Variants in ARHGEF12 observed in about 807,000 individuals in gnomAD.
ARHGEF12 encodes Rho guanine nucleotide exchange factor 12, also known as KMT2A/ARHGEF12 fusion protein.
Under a neutral mutation model 211.2 loss-of-function variants are expected in ARHGEF12, and 66 were observed. That is an observed-to-expected ratio of 0.31 (90% CI 0.26 to 0.38). ARHGEF12 has a LOEUF of 0.38. ARHGEF12 is among the 10% of genes least tolerant of loss of function. The pLI, the probability that ARHGEF12 is intolerant of heterozygous loss-of-function variation, is 1.00. For synonymous variants in ARHGEF12, 592 were observed against 638.4 expected (o/e 0.93, Z 1.09); for missense variants, 1,429 against 1,869.5 (o/e 0.76, Z 4.34).
At chr11:120,344,585 G>A (rs932289311) in intron 1 of ARHGEF12, among the ~76,000 whole-genome samples, 3 of 152,182 alleles carry the variant, frequency 2.0e-5, no homozygotes, top group Non-Finnish European at 4.4e-5. Flanking sequence ...ATTGTTGGTG[G>A]CATATGCACT....
intron 15 of ARHGEF12, among the ~76,000 whole-genome samples, chr11:120,444,112 T>C (rs912892170): frequency 6.6e-6 from 1 of 152,202 alleles, no homozygotes; most frequent in South Asian, 2.1e-4. Context: ...TCCCTAACAC[T>C]GAACAGTTCC....
At chr11:120,377,065 C>CAAATCT (rs1226878569) in intron 1 of ARHGEF12, among the ~76,000 whole-genome samples, 2 of 152,038 alleles carry the variant, frequency 1.3e-5, no homozygotes, top group Non-Finnish European at 2.9e-5. Flanking sequence ...AGGTTGTTTC[C>CAAATCT]AAATCTTGGC....
At chr11:120,466,441 C>T (rs1946708294) in intron 28 of ARHGEF12, among the ~76,000 whole-genome samples, 1 of 152,188 alleles carries the variant, frequency 6.6e-6, no homozygotes, top group Admixed American at 6.5e-5. Context: ...GTTTTAAAGG[C>T]TCCTCTAATG....
intron 4 of ARHGEF12, among the ~76,000 whole-genome samples, chr11:120,416,626 A>G (rs947948725): frequency 1.8e-4 from 28 of 152,130 alleles, no homozygotes; most frequent in African/African-American, 6.0e-4. Flanking sequence ...CTTGTTTGCT[A>G]AAAAACAAAA....
At chr11:120,477,079 GTTTT>G in intron 34 of ARHGEF12, 136 bp from the exon 35 acceptor site, 4 of 687,882 alleles carry the variant, frequency 5.8e-6, no homozygotes, top group Non-Finnish European at 7.3e-6. Context: ...GGCAGAGTGG[GTTTT>G]GTTGTTGTTG....
At chr11:120,385,317 C>T in intron 1 of ARHGEF12, 1 of 985,210 alleles carries the variant, frequency 1.0e-6, no homozygotes, top group Non-Finnish European at 1.2e-6. Context: ...CTCTTGTGGT[C>T]AGTAAAATCA....
chr11:120,424,352 T>C lies in ARHGEF12; in HGVS notation c.349-6T>C. The C allele has an allele frequency of 1.2e-6, 2 of 1,611,850 alleles. No individual in the cohort carries two copies. The highest frequency in any genetic ancestry group is 1.7e-6 in the Non-Finnish European group (2 of 1,178,596). The stretch of plus-strand genomic sequence containing the variant: ...TCTGACATACACTACTTTCGTTTTC[T>C]TACAGGTGAATGGAACTCTGGTGAC... On this transcript the variant is annotated splice_region_variant and splice_polypyrimidine_tract_variant and intron_variant, in intron 6 of 40. Coordinates refer to ENST00000397843, the MANE Select transcript of ARHGEF12 (RefSeq NM_015313.3).
chr11:120,465,576 C>T (rs1459748458), intron 28 of ARHGEF12, among the ~76,000 whole-genome samples: 3 of 152,076 alleles, frequency 2.0e-5, no homozygotes, highest in Non-Finnish European at 4.4e-5. Context: ...AAGCGATTCT[C>T]CTGCCTCAGC....
chr11:120,448,977 G>A, intron 20 of ARHGEF12, 132 bp from the exon 21 acceptor site: 1 of 685,498 alleles, frequency 1.5e-6, no homozygotes, highest in Non-Finnish European at 2.5e-6. Flanking sequence ...TGCTCTGTGT[G>A]CATACACACG....
At position 120,337,208 on chromosome 11, in the gene ARHGEF12, GT is replaced by G. The variant is rs1459353612; in HGVS notation, c.-34del. 6.2e-7 allele frequency: 1 copy of G among 1,614,028 alleles called. No individual in the cohort carries two copies. The highest frequency in any genetic ancestry group is 1.3e-5 in the African/African-American group (1 of 74,938). On this transcript the variant is annotated 5_prime_UTR_variant, in exon 1 of 41. An upstream open reading frame in the 5' UTR loses its in-frame stop. Transcript: ENST00000397843. Reference sequence around the variant, plus strand: ...GAGGAGGTGTTACTGTAAAATGCAAGTTGGATAAAAGGAGGACCTCTCGCCA... The same window carrying G: ...GAGGAGGTGTTACTGTAAAATGCAAGTGGATAAAAGGAGGACCTCTCGCCA...
chr11:120,421,164 A>G (rs533118403), intron 5 of ARHGEF12, among the ~76,000 whole-genome samples: 2 of 152,356 alleles, frequency 1.3e-5, no homozygotes, highest in African/African-American at 4.8e-5. Flanking sequence ...TATTTTGGCA[A>G]AGACAGATTA....
chr11:120,369,125 CTT>C (rs1183494101), intron 1 of ARHGEF12, among the ~76,000 whole-genome samples: 15 of 127,282 alleles, frequency 1.2e-4, no homozygotes, highest in Non-Finnish European at 1.7e-4. Flanking sequence ...TTCTTTTCTT[CTT>C]TTTTTTTTTT....
In ARHGEF12 at chr11:120,429,334, T is replaced by C. The variant is rs1945456196; in HGVS notation, c.586-106T>C. 1.0e-4 allele frequency: 84 copies of C among 835,922 alleles called. 2 individuals carry two copies. The South Asian group carries it at 1.5e-3, about 15-fold the overall frequency. 51.8% of individuals were successfully genotyped at this position (835,922 alleles called of 1,614,324 possible). A position where few individuals can be genotyped will look rare whatever the true frequency, so the allele number is the denominator to read the frequency against. ...GAAGTAAAAACCTAATAGGTATTGA[T>C]AATTGGAGCCGAGGCAGAACTTTGT... On this transcript the variant is annotated intron_variant, in intron 8 of 40. Coordinates refer to ENST00000397843, the MANE Select transcript of ARHGEF12 (RefSeq NM_015313.3).
intron 4 of ARHGEF12, among the ~76,000 whole-genome samples, chr11:120,416,535 T>C (rs1945032732): frequency 6.6e-6 from 1 of 152,196 alleles, no homozygotes; most frequent in Admixed American, 6.5e-5. Context: ...CTGTCTCTCA[T>C]CTTCTAAAGC....
chr11:120,415,651 A>C (rs1945007512), intron 4 of ARHGEF12, among the ~76,000 whole-genome samples: 1 of 152,212 alleles, frequency 6.6e-6, no homozygotes, highest in African/African-American at 2.4e-5. Flanking sequence ...TTGATTTTGA[A>C]TGAGAGGGAA....
intron 1 of ARHGEF12, among the ~76,000 whole-genome samples, chr11:120,349,273 G>C (rs1432350533): frequency 6.6e-6 from 1 of 152,042 alleles, no homozygotes; most frequent in Non-Finnish European, 1.5e-5. Flanking sequence ...AAAGGAACCA[G>C]GTACAATTCT....
At chr11:120,434,628 A>G (rs1428023847) in intron 11 of ARHGEF12, among the ~76,000 whole-genome samples, 13 of 152,084 alleles carry the variant, frequency 8.5e-5, no homozygotes, top group Non-Finnish European at 1.3e-4. Context: ...TCTCATTTTT[A>G]TAAAATAATT....
intron 1 of ARHGEF12, among the ~76,000 whole-genome samples, chr11:120,378,294 A>G (rs1943787545): frequency 6.6e-6 from 1 of 152,086 alleles, no homozygotes; most frequent in Non-Finnish European, 1.5e-5. Flanking sequence ...TCATTTGCTT[A>G]TTGACCTTTT....
intron 33 of ARHGEF12, 139 bp from the exon 34 acceptor site, chr11:120,476,522 G>T: frequency 2.1e-6 from 1 of 483,112 alleles, no homozygotes; most frequent in Non-Finnish European, 3.6e-6. Context: ...AATTTTAAGT[G>T]TACATCTTGA....
Sources: allele counts gnomAD v4.1 joint callset (sites outside exome capture counted in the v4.1 genomes callset), GRCh38; gene constraint gnomAD v4.1.1; transcripts MANE v1.5; gene names NCBI Gene and HGNC (gene_info 2026-07-23, HGNC 2026-07-21).